The following UPP2 variants were observed in gnomAD, a reference collection of about 807,000 sequenced individuals.
The protein encoded by UPP2 is UPase 2.
UPP2 carries 23 observed loss-of-function variants against 26.7 expected under a neutral mutation model. That is an observed-to-expected ratio of 0.86 (90% CI 0.62 to 1.22). The LOEUF (loss-of-function observed/expected upper bound fraction) is 1.22. Ranked by LOEUF, UPP2 falls within the 50% of genes most tolerant of loss-of-function variation. The pLI, the probability that UPP2 is intolerant of heterozygous loss-of-function variation, is 0.00. For missense variants in UPP2, 387 were observed against 396.7 expected (o/e 0.98, Z 0.21); for synonymous variants, 127 against 141.3 (o/e 0.90, Z 0.72).
At chr2:158,064,386 GAATATC>G (rs1682402101) in intron 3 of UPP2, among the ~76,000 whole-genome samples, 1 of 151,694 alleles carries the variant, frequency 6.6e-6, no homozygotes, top group South Asian at 2.1e-4. Context: ...TTGGCCACAT[GAATATC>G]TTCTTTTGAG....
intron 3 of UPP2, among the ~76,000 whole-genome samples, chr2:158,096,326 T>C (rs6437130): frequency 0.057 from 8,640 of 152,206 alleles, 751 homozygotes; most frequent in African/African-American, 0.19. Flanking sequence ...GGGCCAGGTG[T>C]GGTGGCTCAC....
chr2:158,024,698 T>C (rs1191094928), intron 3 of UPP2, among the ~76,000 whole-genome samples: 1 of 151,928 alleles, frequency 6.6e-6, no homozygotes, highest in Non-Finnish European at 1.5e-5. Context: ...TTTAGTGAGG[T>C]TTCCACATCA....
chr2:158,026,082 C>T (rs757017887), intron 3 of UPP2, among the ~76,000 whole-genome samples: 4 of 152,048 alleles, frequency 2.6e-5, no homozygotes, highest in Non-Finnish European at 5.9e-5. Flanking sequence ...TTGTATCTCC[C>T]GTCGTGCTCT....
intron 1 of UPP2, among the ~76,000 whole-genome samples, 195 bp from the exon 2 acceptor site, chr2:158,105,904 T>C (rs1683182452): frequency 6.6e-6 from 1 of 152,234 alleles, no homozygotes; most frequent in African/African-American, 2.4e-5. Flanking sequence ...TTATATGCAG[T>C]TTTCTTGCCA....
At chr2:157,996,785 T>C (rs577486231) in intron 2 of UPP2, among the ~76,000 whole-genome samples, 1 of 152,326 alleles carries the variant, frequency 6.6e-6, no homozygotes, top group African/African-American at 2.4e-5. Flanking sequence ...AGAAGTTTAA[T>C]AGGAAAGTCT....
At chr2:158,053,356 T>G (rs1682189653) in intron 3 of UPP2, among the ~76,000 whole-genome samples, 1 of 152,150 alleles carries the variant, frequency 6.6e-6, no homozygotes, top group Admixed American at 6.5e-5. Flanking sequence ...ATTTTCTCAT[T>G]TAGTACACCC....
upstream of UPP2, among the ~76,000 whole-genome samples, chr2:158,100,153 G>T (rs1683050818): frequency 6.6e-6 from 1 of 152,188 alleles, no homozygotes. Context: ...TGCCCAGAAG[G>T]CATTAACTAG....
At chr2:158,099,013 C>A (rs1683030412), upstream of UPP2, among the ~76,000 whole-genome samples, 1 of 152,112 alleles carries the variant, frequency 6.6e-6, no homozygotes, top group Non-Finnish European at 1.5e-5. Context: ...AAGGAAAGAT[C>A]AAAAGATCTT....
chr2:158,060,635 G>A (rs564711407), intron 3 of UPP2, among the ~76,000 whole-genome samples: 15 of 152,078 alleles, frequency 9.9e-5, no homozygotes, highest in African/African-American at 2.9e-4. Context: ...CTCAAAATTC[G>A]TATGTTGAAG....
intron 2 of UPP2, among the ~76,000 whole-genome samples, chr2:158,003,714 TAA>T (rs5835683): frequency 5.3e-5 from 7 of 132,118 alleles, no homozygotes; most frequent in African/African-American, 8.4e-5. Flanking sequence ...TCTCAAAAAA[TAA>T]AAAAAAAAAA....
intron 5 of UPP2, among the ~76,000 whole-genome samples, chr2:158,122,841 C>T (rs866239859): frequency 1.3e-4 from 20 of 152,084 alleles, no homozygotes; most frequent in African/African-American, 4.6e-4. Context: ...TTGGCTTCTG[C>T]GATGTCTGTG....
intron 2 of UPP2, among the ~76,000 whole-genome samples, chr2:158,013,150 T>C (rs959196759): frequency 6.6e-6 from 1 of 152,148 alleles, no homozygotes; most frequent in Non-Finnish European, 1.5e-5. Context: ...CAAAACTGGC[T>C]AATTTTTTTA....
At chr2:157,997,776 G>A (rs761746531) in intron 2 of UPP2, among the ~76,000 whole-genome samples, 1 of 152,094 alleles carries the variant, frequency 6.6e-6, no homozygotes, top group African/African-American at 2.4e-5. Flanking sequence ...TCATTGCTAG[G>A]AAAACCTTCA....
chr2:158,046,446 T>A (rs2355165), intron 3 of UPP2, among the ~76,000 whole-genome samples: 1 of 152,054 alleles, frequency 6.6e-6, no homozygotes, highest in African/African-American at 2.4e-5. Context: ...CCAGAGAATC[T>A]GCTTGCCCCA....
intron 3 of UPP2, among the ~76,000 whole-genome samples, chr2:158,083,995 T>C (rs943710387): frequency 1.3e-5 from 2 of 151,694 alleles, no homozygotes; most frequent in East Asian, 3.9e-4. Context: ...CTTTTTCATA[T>C]AATGACTTCT....
intron 3 of UPP2, among the ~76,000 whole-genome samples, chr2:158,089,112 G>C (rs552301647): frequency 6.6e-6 from 1 of 152,118 alleles, no homozygotes; most frequent in South Asian, 2.1e-4. Context: ...GTGGGGGCAG[G>C]GTTAGGTGTG....
intron 3 of UPP2, among the ~76,000 whole-genome samples, chr2:158,075,190 C>A (rs1443869029): frequency 1.3e-5 from 2 of 151,794 alleles, no homozygotes; most frequent in African/African-American, 2.4e-5. Context: ...ATTTCAACAC[C>A]CCACTTTCAG....
chr2:158,040,288 G>T (rs1318347012), intron 3 of UPP2, among the ~76,000 whole-genome samples: 2 of 152,054 alleles, frequency 1.3e-5, no homozygotes, highest in African/African-American at 4.8e-5. Context: ...TATTATAATG[G>T]CCTCAGTTAT....
At chr2:158,078,737 A>C (rs13429651) in intron 3 of UPP2, among the ~76,000 whole-genome samples, 9,952 of 152,156 alleles carry the variant, frequency 0.065, 592 homozygotes, top group East Asian at 0.15. Context: ...AACAGGGTGA[A>C]TATAATCATA....
Sources: gnomAD v4.1 joint callset for allele counts (sites outside exome capture counted in the v4.1 genomes callset) on GRCh38, gnomAD v4.1.1 for gene constraint, MANE v1.5 for transcripts, NCBI Gene and HGNC (gene_info 2026-07-23, HGNC 2026-07-21) for gene names.